PPP1R2: variants seen among roughly 807,000 people sequenced by gnomAD.
PPP1R2 encodes the protein protein phosphatase inhibitor 2.
A neutral mutation model predicts 29.9 loss-of-function variants in PPP1R2; 16 were observed. That is an observed-to-expected ratio of 0.53 (90% confidence interval 0.36 to 0.81). The LOEUF (loss-of-function observed/expected upper bound fraction) is 0.81. PPP1R2 is among the 30% of genes least tolerant of loss of function. The pLI is 0.00. For missense variants in PPP1R2, 197 were observed against 252.7 expected (o/e 0.78, Z 1.49); for synonymous variants, 76 against 91.5 (o/e 0.83, Z 0.96).
intron 1 of PPP1R2, among the ~76,000 whole-genome samples, chr3:195,530,242 T>C (rs1477750341): frequency 3.3e-5 from 5 of 152,250 alleles, no homozygotes. Context: ...CTGAAGTCAG[T>C]AGGCATTTTT....
chr3:195,521,905 C>T (rs1450628096), intron 4 of PPP1R2, among the ~76,000 whole-genome samples: 3 of 152,178 alleles, frequency 2.0e-5, no homozygotes, highest in Non-Finnish European at 4.4e-5. Context: ...CCTGTCTCAG[C>T]CTCCCAAAGT....
chr3:195,516,854 G>T lies in PPP1R2; in HGVS notation c.*42C>A, dbSNP rs777718080. The T allele has an allele frequency of 4.5e-6, 7 of 1,564,714 alleles. No homozygotes were observed. The South Asian group carries it at 6.7e-5, about 15-fold the overall frequency. On this transcript the variant is annotated 3_prime_UTR_variant, in exon 6 of 6. Transcript: ENST00000618156. ...AGAAGCAACGTACTATAGTCACAGG[G>T]TTTACATCTAACAAACAATTGCAGT...
In PPP1R2 at chr3:195,518,084, G is replaced by A. The variant is rs1244475002; in HGVS notation, c.571+934C>T. ...AGTATGAAGTTTGTAAGTACAAGGAGTAGGTGGTGGGCACAAAAAATCTCC... is the reference window on the plus strand; with the variant it reads ...AGTATGAAGTTTGTAAGTACAAGGAATAGGTGGTGGGCACAAAAAATCTCC... On this transcript the variant is annotated intron_variant, in intron 5 of 5. Coordinates refer to ENST00000618156, the MANE Select transcript of PPP1R2 (RefSeq NM_006241.8). Among the ~76,000 whole-genome samples, 6 of 152,276 alleles carry A rather than the reference G, an allele frequency of 3.9e-5. No homozygotes were observed. In the East Asian group the frequency reaches 1.2e-3, roughly 29 times the overall value.
chr3:195,530,713 A>T (rs1186916165), intron 1 of PPP1R2, among the ~76,000 whole-genome samples: 1 of 151,988 alleles, frequency 6.6e-6, no homozygotes, highest in East Asian at 1.9e-4. Context: ...TTTAGGAGAG[A>T]CAGGGTTTCA....
At chr3:195,518,479 A>G (rs1045651323) in intron 5 of PPP1R2, among the ~76,000 whole-genome samples, 9 of 151,730 alleles carry the variant, frequency 5.9e-5, no homozygotes, top group Admixed American at 1.3e-4. Context: ...GTGAAACCCC[A>G]TCTCTACTAA....
chr3:195,543,190 C>G lies in PPP1R2; in HGVS notation c.-165G>C, dbSNP rs1719672844. The G allele has an allele frequency of 1.1e-6, 1 of 927,410 alleles. No individual in the cohort carries two copies. Among genetic ancestry groups the G allele is most frequent in the South Asian group, 1.9e-5 (1 of 51,570 alleles). The allele number at this position is 927,410 out of a possible 1,614,324, so 57.4% of individuals were successfully genotyped here. Reference sequence around the variant, plus strand: ...GGCTACCGCAGCGGTTGTCACGACACAACGACCCCGACGCCAGAGCCAACG... The same window carrying G: ...GGCTACCGCAGCGGTTGTCACGACAGAACGACCCCGACGCCAGAGCCAACG... On this transcript the variant is annotated 5_prime_UTR_variant, in exon 1 of 6. Transcript: ENST00000618156.
Position 195,515,000 on chromosome 3 carries a change from G to T in PPP1R2, c.*1896C>A. The T allele has an allele frequency of 5.3e-6, 1 of 188,206 alleles. No individual in the cohort carries two copies. 11.7% of individuals were successfully genotyped at this position (188,206 alleles called of 1,614,324 possible). A position where few individuals can be genotyped will look rare whatever the true frequency, so the allele number is the denominator to read the frequency against. On this transcript the variant is annotated 3_prime_UTR_variant, in exon 6 of 6. Coordinates refer to ENST00000618156, the MANE Select transcript of PPP1R2 (RefSeq NM_006241.8). ...TTATCCTTTTCTTCACTCTATGACA[G>T]CTACTTCTACAAAAAAAAAAAAAGA...
Position 195,543,257 on chromosome 3 carries a change from A to C in PPP1R2, c.-232T>G, listed in dbSNP as rs551268359. The C allele has an allele frequency of 1.6e-4, 70 of 442,738 alleles. No individual in the cohort carries two copies. The highest frequency in any genetic ancestry group is 2.5e-4 in the Non-Finnish European group (64 of 260,682). The allele number at this position is 442,738 out of a possible 1,614,324, so 27.4% of individuals were successfully genotyped here. On this transcript the variant is annotated 5_prime_UTR_variant, in exon 1 of 6. Transcript: ENST00000618156. ...TACTCGCGCACCCTTAGCCACTGGC[A>C]CTTGACCCGCGGCTCGCGGAGAGAC...
In PPP1R2 at chr3:195,523,803, T is replaced by C. The variant is rs1008791771; in HGVS notation, c.309-17A>G. 42 of 1,597,738 alleles carry C rather than the reference T, an allele frequency of 2.6e-5. No individual in the cohort carries two copies. Among genetic ancestry groups the C allele is most frequent in the Non-Finnish European group, 3.3e-5 (39 of 1,165,656 alleles). On this transcript the variant is annotated splice_polypyrimidine_tract_variant and intron_variant, in intron 3 of 5. Transcript: ENST00000618156. ...GCAGCTAATCTATGCAACAATCATGTACAAAGAAATTAACAGTGATGTTTT... is the reference window on the plus strand; with the variant it reads ...GCAGCTAATCTATGCAACAATCATGCACAAAGAAATTAACAGTGATGTTTT...
chr3:195,517,739 T>A (rs1224705556), intron 5 of PPP1R2, among the ~76,000 whole-genome samples: 1 of 151,618 alleles, frequency 6.6e-6, no homozygotes, highest in African/African-American at 2.4e-5. Flanking sequence ...AAAATAAAAA[T>A]AAAAATGGAT....
chr3:195,532,208 T>C lies in PPP1R2; in HGVS notation c.123-2307A>G, dbSNP rs368998981. ...ACCATGCCCAGCTAATTTTTCTTTT[T>C]CTTTTTCTTTTTTTTTTTTTTTTTT... On this transcript the variant is annotated intron_variant, in intron 1 of 5. Transcript: ENST00000618156. Among the ~76,000 whole-genome samples the C allele has an allele frequency of 2.7e-3, 293 of 108,148 alleles. 2 individuals carry two copies. Among genetic ancestry groups the C allele is most frequent in the Non-Finnish European group, 4.4e-3 (236 of 53,418 alleles). The allele number at this position is 108,148 out of a possible 152,430, so 70.9% of individuals were successfully genotyped here.
In PPP1R2 at chr3:195,517,708, G is replaced by A. The variant is rs563159663; in HGVS notation, c.572-766C>T. On this transcript the variant is annotated intron_variant, in intron 5 of 5. Transcript: ENST00000618156. ...GCGTTAAAACAAACAAACAAAAAACGCTGCCTCTATAACAAAAAATAAAAT... is the reference window on the plus strand; with the variant it reads ...GCGTTAAAACAAACAAACAAAAAACACTGCCTCTATAACAAAAAATAAAAT... Among the ~76,000 whole-genome samples the A allele has an allele frequency of 3.3e-5, 5 of 151,842 alleles. 1 individual carries two copies. Among genetic ancestry groups the A allele is most frequent in the African/African-American group, 1.2e-4 (5 of 41,390 alleles).
At position 195,524,860 on chromosome 3, in the gene PPP1R2, G is replaced by A. The variant is rs142509054; in HGVS notation, c.267C>T (p.Thr89=). The A allele has an allele frequency of 8.1e-6, 13 of 1,613,848 alleles. No homozygotes were observed. Among genetic ancestry groups the A allele is most frequent in the African/African-American group, 4.0e-5 (3 of 74,850 alleles). ...CTGGCGCCATGGCTTCAGTGGCCTCGGTGTCACTACAGGCATCTTCATCAT... is the reference window on the plus strand; with the variant it reads ...CTGGCGCCATGGCTTCAGTGGCCTCAGTGTCACTACAGGCATCTTCATCAT... ...MGDDEDACSD[T]EATEAMAPDI... is the part of the protein sequence containing the mutation. Residue 89 remains threonine, a synonymous_variant, in exon 3 of 6, where the codon ACC becomes ACT. Coordinates refer to ENST00000618156, the MANE Select transcript of PPP1R2 (RefSeq NM_006241.8).
Position 195,519,103 on chromosome 3 carries a change from T to G in PPP1R2, c.486A>C (p.Ser162=). The part of the protein sequence containing the change: ...LNIKLARQLI[S]KDLHDDDEDE... ...CTTCATCATCATCATGTAGGTCTTTTGAAATTAATTGTCTGGCTAGTTTGA... is the reference window on the plus strand; with the variant it reads ...CTTCATCATCATCATGTAGGTCTTTGGAAATTAATTGTCTGGCTAGTTTGA... Residue 162 remains serine, a synonymous_variant, in exon 5 of 6, where the codon TCA becomes TCC. Transcript: ENST00000618156. 1 of 1,612,644 alleles carries G rather than the reference T, an allele frequency of 6.2e-7. No individual in the cohort carries two copies.
Position 195,517,031 on chromosome 3 carries a change from A to C in PPP1R2, c.572-89T>G, listed in dbSNP as rs1718572619. 2.1e-5 allele frequency: 22 copies of C among 1,028,192 alleles called. No individual in the cohort carries two copies. The South Asian group carries it at 2.7e-4, about 13-fold the overall frequency. The allele number at this position is 1,028,192 out of a possible 1,614,324, so 63.7% of individuals were successfully genotyped here. A position where few individuals can be genotyped will look rare whatever the true frequency, so the allele number is the denominator to read the frequency against. On this transcript the variant is annotated intron_variant, in intron 5 of 5. Transcript: ENST00000618156. ...CCTTCTATTAGCATGCATGACAAGC[A>C]AATATAAAAATTTTAAAAACAAATA...
At position 195,515,234 on chromosome 3, in the gene PPP1R2, T is replaced by C. The variant is rs1718502146; in HGVS notation, c.*1662A>G. ...TTCCTAGCTGAAATGTTTAGAATAC[T>C]GCACTCACAGTTCAGCAGTACTTTG... On this transcript the variant is annotated 3_prime_UTR_variant, in exon 6 of 6. Transcript: ENST00000618156. 6.3e-6 allele frequency: 1 copy of C among 157,596 alleles called. No individual in the cohort carries two copies. The highest frequency in any genetic ancestry group is 1.5e-5 in the Non-Finnish European group (1 of 68,584). The allele number at this position is 157,596 out of a possible 1,614,324, so 9.8% of individuals were successfully genotyped here. A position where few individuals can be genotyped will look rare whatever the true frequency, so the allele number is the denominator to read the frequency against.
intron 1 of PPP1R2, among the ~76,000 whole-genome samples, chr3:195,541,455 CTT>C (rs553981950): frequency 0.34 from 33,959 of 98,920 alleles, 5,807 homozygotes; most frequent in East Asian, 0.71. Flanking sequence ...CTTTTCTTTC[CTT>C]TTTTTTTTTT....
At chr3:195,528,700 CTATTTTTTT>C (rs1269464346) in intron 2 of PPP1R2, 3 of 76,656 alleles carry the variant, frequency 3.9e-5, no homozygotes, top group East Asian at 1.3e-3. Flanking sequence ...TAGGGCATAA[CTATTTTTTT>C]TTTTTTTTTT....
At chr3:195,535,822 A>G (rs921450975) in intron 1 of PPP1R2, among the ~76,000 whole-genome samples, 7 of 152,226 alleles carry the variant, frequency 4.6e-5, no homozygotes, top group Admixed American at 1.3e-4. Flanking sequence ...AGTACCACAT[A>G]GAAGCATCTT....
Sources: allele counts gnomAD v4.1 joint callset (sites outside exome capture counted in the v4.1 genomes callset), GRCh38; gene constraint gnomAD v4.1.1; transcripts MANE v1.5; gene names NCBI Gene and HGNC (gene_info 2026-07-23, HGNC 2026-07-21).